LRP2: variants seen among roughly 807,000 people sequenced by gnomAD.
The protein encoded by LRP2 is LDL receptor related protein 2, also known as low-density lipoprotein receptor-related protein 2.
A neutral mutation model predicts 531.0 loss-of-function variants in LRP2; 172 were observed. That is an observed-to-expected ratio of 0.32 (90% confidence interval 0.29 to 0.37). LRP2 has a LOEUF of 0.37. LRP2 is among the 10% of genes least tolerant of loss of function. The pLI is 1.00. For synonymous variants in LRP2, 1,992 were observed against 2,027.6 expected (o/e 0.98, Z 0.47); for missense variants, 5,167 against 5,868.3 (o/e 0.88, Z 3.90).
Position 169,139,571 on chromosome 2 carries a change from C to T in LRP2, c.13239G>A (p.Ala4413=), listed in dbSNP as rs532471990. Residue 4413 remains alanine (A), a synonymous_variant, in exon 73 of 79, where the codon GCG becomes GCA. Coordinates refer to ENST00000649046, the MANE Select transcript of LRP2 (RefSeq NM_004525.3). ...SGYTGKYCEM[A]FSKGISPGTT... Reference sequence around the variant, plus strand: ...TTCCTGGAGAGATGCCTTTTGAAAACGCCATTTCACAATATTTTCCGGTGT... The same window carrying T: ...TTCCTGGAGAGATGCCTTTTGAAAATGCCATTTCACAATATTTTCCGGTGT... 14 of 1,614,050 alleles carry T rather than the reference C, an allele frequency of 8.7e-6. No homozygotes were observed. The highest frequency in any genetic ancestry group is 4.5e-5 in the East Asian group (2 of 44,902).
intron 25 of LRP2, among the ~76,000 whole-genome samples, chr2:169,240,020 A>G (rs1373933581): frequency 6.6e-6 from 1 of 152,224 alleles, no homozygotes; most frequent in Non-Finnish European, 1.5e-5. Flanking sequence ...ACAACCCAAT[A>G]GTATAACTCC....
rs139739835 is a variant in LRP2, at chr2:169,356,011, C to T, written c.79+6310G>A. On this transcript the variant is annotated intron_variant, in intron 1 of 78. Coordinates refer to ENST00000649046, the MANE Select transcript of LRP2 (RefSeq NM_004525.3). ...GCTCAAGCGATCATCTCACCTCAGC[C>T]TCCCAAGTAGCTGGGACCACAAGGG... 5.7e-4 allele frequency among the ~76,000 whole-genome samples: 87 copies of T among 152,272 alleles called. 1 individual carries two copies. In the East Asian group the frequency reaches 0.014, roughly 24 times the overall value.
chr2:169,340,659 G>A (rs1685538097), intron 1 of LRP2, among the ~76,000 whole-genome samples: 2 of 152,186 alleles, frequency 1.3e-5, no homozygotes, highest in Non-Finnish European at 2.9e-5. Flanking sequence ...AGGAATGGGA[G>A]TCACCAGCAG....
intron 3 of LRP2, among the ~76,000 whole-genome samples, chr2:169,318,316 C>T (rs529031335): frequency 1.3e-5 from 2 of 152,054 alleles, no homozygotes; most frequent in South Asian, 2.1e-4. Flanking sequence ...GAAGTAACCA[C>T]CAAGAAGCCC....
intron 12 of LRP2, among the ~76,000 whole-genome samples, chr2:169,278,881 T>C (rs1355891713): frequency 6.6e-6 from 1 of 152,208 alleles, no homozygotes; most frequent in Non-Finnish European, 1.5e-5. Flanking sequence ...ACTGAACAAC[T>C]TGTAATGAGA....
rs1574170107 is a variant in LRP2 at position 169,241,341 on chromosome 2, T to G, written c.3692A>C (p.His1231Pro). Residue 1231 changes from histidine to proline, a missense_variant, in exon 25 of 79, where the codon CAC becomes CCC. His to Pro is a moderately conservative substitution (Grantham distance 77, BLOSUM62 -2). Coordinates refer to ENST00000649046, the MANE Select transcript of LRP2 (RefSeq NM_004525.3). ...TTCTTGGCACTGAAATTCATCTGAGTGGCACATACCAGGAGGCCTGGTTGC... is the reference window on the plus strand; with the variant it reads ...TTCTTGGCACTGAAATTCATCTGAGGGGCACATACCAGGAGGCCTGGTTGC... ...GCPTRPPGMC[H>P]SDEFQCQEDG... 1 of 1,614,118 alleles carries G rather than the reference T, an allele frequency of 6.2e-7. No homozygotes were observed. The highest frequency in any genetic ancestry group is 2.2e-5 in the East Asian group (1 of 44,874).
chr2:169,266,885 T>A (rs1017985287), intron 16 of LRP2, among the ~76,000 whole-genome samples: 2 of 2,086 alleles, frequency 9.6e-4, no homozygotes, highest in African/African-American at 1.0e-3. Flanking sequence ...TTTGTAACCT[T>A]TTTTTTTTTT....
rs1227583055 is a variant in LRP2, at chr2:169,178,014, C to A, written c.10182G>T (p.Leu3394Phe). 1 of 1,613,136 alleles carries A rather than the reference C, an allele frequency of 6.2e-7. No homozygotes were observed. Among genetic ancestry groups the A allele is most frequent in the East Asian group, 2.2e-5 (1 of 44,868 alleles). ...AHLGYIEYSD[L>F]EGHHRHTVYD... ...ACACCGTGTGTCGATGGTGGCCCTC[C>A]AAATCAGAGTACCTGCAGCAGTAAG... The change falls in exon 53 of 79, where the codon TTG (leucine) becomes TTT (phenylalanine). Residue 3394 changes from leucine (L) to phenylalanine (F), a missense_variant. Leu to Phe is a conservative substitution (Grantham distance 22). Around this residue, in one of 6 missense-constraint regions of LRP2, gnomAD observed 1,129 missense variants for 1,362.7 expected, o/e 0.83. Coordinates refer to ENST00000649046, the MANE Select transcript of LRP2 (RefSeq NM_004525.3).
At chr2:169,227,316 T>C (rs1035893999) in intron 31 of LRP2, among the ~76,000 whole-genome samples, 18 of 152,326 alleles carry the variant, frequency 1.2e-4, no homozygotes, top group Admixed American at 1.0e-3. Context: ...AATGTATAAG[T>C]GAATAAGTAA....
chr2:169,146,853 C>A lies in LRP2; in HGVS notation c.12697G>T (p.Gly4233Cys). 6.2e-7 allele frequency: 1 copy of A among 1,614,164 alleles called. No homozygotes were observed. Among genetic ancestry groups the A allele is most frequent in the Non-Finnish European group, 8.5e-7 (1 of 1,180,018 alleles). ...LVFEDLGWPT[G>C]LSIDYLNNDR... ...TTGTTCAAATAATCGATAGAAAGGCCAGTTGGCCAACCAAGGTCCTCGAAA... is the reference window on the plus strand; with the variant it reads ...TTGTTCAAATAATCGATAGAAAGGCAAGTTGGCCAACCAAGGTCCTCGAAA... The change falls in exon 69 of 79, where the codon GGC becomes TGC. Residue 4233 changes from glycine to cysteine, a missense_variant. Transcript: ENST00000649046.
intron 68 of LRP2, 76 bp from the exon 69 acceptor site, chr2:169,147,035 C>T: frequency 1.8e-6 from 2 of 1,131,902 alleles, no homozygotes; most frequent in South Asian, 2.6e-5. Flanking sequence ...CAGGGCATTA[C>T]CTACAGGGAA....
intron 1 of LRP2, among the ~76,000 whole-genome samples, chr2:169,336,717 C>T (rs1431260869): frequency 6.6e-6 from 1 of 152,190 alleles, no homozygotes; most frequent in African/African-American, 2.4e-5. Context: ...GGTACTGAAG[C>T]TCTGGTAGAC....
At chr2:169,210,370 A>C (rs894875286) in intron 37 of LRP2, among the ~76,000 whole-genome samples, 8 of 152,244 alleles carry the variant, frequency 5.3e-5, no homozygotes, top group Admixed American at 4.6e-4. Context: ...CAAGTGATCA[A>C]ACTCAAATGC....
intron 22 of LRP2, among the ~76,000 whole-genome samples, chr2:169,244,441 G>A (rs1299680004): frequency 6.6e-6 from 1 of 152,198 alleles, no homozygotes; most frequent in African/African-American, 2.4e-5. Context: ...GAATTGAAAT[G>A]TTTGGCATCA....
rs1024105423 is a variant in LRP2, at chr2:169,128,725, A to T, written c.13906T>A (p.Ser4636Thr). Residue 4636 changes from serine (S) to threonine (T), a missense_variant, in exon 79 of 79, where the codon TCT becomes ACT. By Grantham distance (58) the Ser-to-Thr change is moderately conservative (BLOSUM62 1). Around this residue, in one of 6 missense-constraint regions of LRP2, gnomAD observed 348 missense variants for 369.3 expected, o/e 0.94. Coordinates refer to ENST00000649046, the MANE Select transcript of LRP2 (RefSeq NM_004525.3). Reference sequence around the variant, plus strand: ...TCTTTAAAAGTGTCTTCTGTTGCAGAATAGGTTGGAGTTGGGTCTCTTCTC... The same window carrying T: ...TCTTTAAAAGTGTCTTCTGTTGCAGTATAGGTTGGAGTTGGGTCTCTTCTC... Reference protein sequence around the residue: ...PSRRDPTPTYSATEDTFKDTA... With the variant: ...PSRRDPTPTYTATEDTFKDTA... 1.2e-6 allele frequency: 2 copies of T among 1,614,172 alleles called. No homozygotes were observed. The highest frequency in any genetic ancestry group is 2.7e-5 in the African/African-American group (2 of 75,054).
Position 169,213,797 on chromosome 2 carries a change from G to T in LRP2, c.5900C>A (p.Ala1967Glu). 6.2e-7 allele frequency: 1 copy of T among 1,613,692 alleles called. No homozygotes were observed. Among genetic ancestry groups the T allele is most frequent in the Non-Finnish European group, 8.5e-7 (1 of 1,179,692 alleles). The part of the protein sequence containing the change: ...VHQLSHPWGI[A>E]VHDSFLYYTD... ...ATAATAAAGGAAAGAATCATGGACT[G>T]CAATTCCCCAGGGGTGGGAAAGCTG... is the stretch of plus-strand genomic sequence containing the variant. The change falls in exon 36 of 79, where the codon GCA becomes GAA. Residue 1967 changes from alanine (A) to glutamate (E), a missense_variant. This residue lies in a region of LRP2 where 2,811 missense variants were observed against 3,058.0 expected (regional missense o/e 0.92). Coordinates refer to ENST00000649046, the MANE Select transcript of LRP2 (RefSeq NM_004525.3).
At chr2:169,229,683 A>G (rs1277746048) in intron 31 of LRP2, among the ~76,000 whole-genome samples, 2 of 152,228 alleles carry the variant, frequency 1.3e-5, no homozygotes, top group Non-Finnish European at 1.5e-5. Flanking sequence ...AAGTAGAACC[A>G]TCTCATAATT....
rs75220469 is a variant in LRP2, at chr2:169,337,609, C to T, written c.80-16725G>A. On this transcript the variant is annotated intron_variant, in intron 1 of 78. Coordinates refer to ENST00000649046, the MANE Select transcript of LRP2 (RefSeq NM_004525.3). ...AAGGCCTCAAGAGAATCCATTAACA[C>T]GTGAACATGATTAATGAAACACTCA... Among the ~76,000 whole-genome samples the T allele has an allele frequency of 2.9e-3, 438 of 152,284 alleles. 1 individual carries two copies. Among genetic ancestry groups the T allele is most frequent in the Non-Finnish European group, 5.1e-3 (349 of 68,024 alleles).
chr2:169,218,572 C>G (rs905796537), intron 34 of LRP2, among the ~76,000 whole-genome samples: 1 of 152,142 alleles, frequency 6.6e-6, no homozygotes, highest in Admixed American at 6.6e-5. Context: ...ACCCTCTGAA[C>G]TCCCCACCAT....
Sources: gnomAD v4.1 joint callset for allele counts (sites outside exome capture counted in the v4.1 genomes callset) on GRCh38, gnomAD v4.1.1 for gene constraint, gnomAD v4.1.1 regional missense constraint, MANE v1.5 for transcripts, NCBI Gene and HGNC (gene_info 2026-07-23, HGNC 2026-07-21) for gene names.